ABHD6: variants seen among roughly 807,000 people sequenced by gnomAD.
The protein encoded by ABHD6 is abhydrolase domain containing 6, acylglycerol lipase, also known as monoacylglycerol lipase ABHD6.
Under a neutral mutation model 38.8 loss-of-function variants are expected in ABHD6, and 33 were observed. That is an observed-to-expected ratio of 0.85 (90% CI 0.64 to 1.14). ABHD6 has a LOEUF of 1.14. ABHD6 is among the 50% of genes most tolerant of loss of function. ABHD6 has a pLI of 0.00. For missense variants in ABHD6, 380 were observed against 422.6 expected (o/e 0.90, Z 0.88); for synonymous variants, 147 against 161.6 (o/e 0.91, Z 0.69).
chr3:58,285,041 A>G lies in ABHD6; in HGVS notation c.682-44A>G, dbSNP rs1402273636. On this transcript the variant is annotated intron_variant, in intron 7 of 9. Coordinates refer to ENST00000478253, the MANE Select transcript of ABHD6 (RefSeq NM_001320126.2). This position sits in a 1 kb window ranked among gnomAD's most constrained non-coding sequence, Gnocchi z 4.9. ...CCAGAGCTGTGAGAGGCCTGAGGAAATGAATCTTCTCTTGCTCTCTAACTT... is the reference window on the plus strand; with the variant it reads ...CCAGAGCTGTGAGAGGCCTGAGGAAGTGAATCTTCTCTTGCTCTCTAACTT... 4 of 1,588,006 alleles carry G rather than the reference A, an allele frequency of 2.5e-6. No homozygotes were observed. The highest frequency in any genetic ancestry group is 1.7e-5 in the Admixed American group (1 of 59,966).
intron 2 of ABHD6, among the ~76,000 whole-genome samples, chr3:58,254,375 C>T (rs2097431835): frequency 1.3e-5 from 2 of 152,200 alleles, no homozygotes; most frequent in Admixed American, 1.3e-4. Context: ...CGTTACATGT[C>T]TTCAATGGCT....
chr3:58,256,712 C>T lies in ABHD6; in HGVS notation c.119+7C>T. 1 of 1,584,788 alleles carries T rather than the reference C, an allele frequency of 6.3e-7. No individual in the cohort carries two copies. The highest frequency in any genetic ancestry group is 8.6e-7 in the Non-Finnish European group (1 of 1,156,742). On this transcript the variant is annotated splice_region_variant and intron_variant, in intron 3 of 9. Coordinates refer to ENST00000478253, the MANE Select transcript of ABHD6 (RefSeq NM_001320126.2). The surrounding 1 kb of genome is among the most constrained non-coding windows in gnomAD (Gnocchi z 4.3). ...TGATAAGAATCTATTATTGGTAAGC[C>T]AGTTTTATCATTGATGTTTTCAAGA...
At chr3:58,286,459 A>AT (rs2097457067) in intron 9 of ABHD6, among the ~76,000 whole-genome samples, 1 of 151,978 alleles carries the variant, frequency 6.6e-6, no homozygotes, top group Non-Finnish European at 1.5e-5. Flanking sequence ...CTTGGCCTAA[A>AT]TTTTTTAAGC....
chr3:58,279,177 A>T (rs567458270), intron 7 of ABHD6, among the ~76,000 whole-genome samples: 2 of 152,322 alleles, frequency 1.3e-5, no homozygotes, highest in South Asian at 4.1e-4. Context: ...TGTCTCATTG[A>T]TCTGTCTAGT....
chr3:58,288,778 C>T (rs184304651), intron 9 of ABHD6, among the ~76,000 whole-genome samples: 8 of 152,222 alleles, frequency 5.3e-5, no homozygotes, highest in East Asian at 1.9e-4. Flanking sequence ...ATAACAGGCC[C>T]GAGACAAGGG....
intron 2 of ABHD6, among the ~76,000 whole-genome samples, chr3:58,252,531 C>A (rs1242036543): frequency 6.6e-6 from 1 of 152,042 alleles, no homozygotes; most frequent in Non-Finnish European, 1.5e-5. Flanking sequence ...AACACCACCA[C>A]ACTGAGAGTT....
In ABHD6 at chr3:58,289,841, C is replaced by T. The variant is rs1229646372; in HGVS notation, c.838-3748C>T. ...GCAGAGGCGCCCCTCACCACCCGGACAGGGCGGCTGGCCGGGTAGGGGGCT... is the reference window on the plus strand; with the variant it reads ...GCAGAGGCGCCCCTCACCACCCGGATAGGGCGGCTGGCCGGGTAGGGGGCT... On this transcript the variant is annotated intron_variant, in intron 9 of 9. Coordinates refer to ENST00000478253, the MANE Select transcript of ABHD6 (RefSeq NM_001320126.2). Among the ~76,000 whole-genome samples the T allele has an allele frequency of 5.5e-5, 8 of 145,772 alleles. No individual in the cohort carries two copies. In the South Asian group the frequency reaches 6.5e-4, roughly 12 times the overall value.
In ABHD6 at chr3:58,257,228, C is replaced by T. The variant is rs2097434026; in HGVS notation, c.119+523C>T. ...GGCCCTTTTAGGTTTCTGATAGCAT[C>T]TTTCTCCACCCACATTCCCAAAGTC... On this transcript the variant is annotated intron_variant, in intron 3 of 9. Transcript: ENST00000478253. This position sits in a 1 kb window ranked among gnomAD's most constrained non-coding sequence, Gnocchi z 4.8. Among the ~76,000 whole-genome samples, 1 of 152,000 alleles carries T rather than the reference C, an allele frequency of 6.6e-6. No individual in the cohort carries two copies. The highest frequency in any genetic ancestry group is 6.6e-5 in the Admixed American group (1 of 15,260).
intron 1 of ABHD6, among the ~76,000 whole-genome samples, chr3:58,246,408 C>T (rs367719228): frequency 6.6e-6 from 1 of 152,236 alleles, no homozygotes; most frequent in Non-Finnish European, 1.5e-5. Flanking sequence ...ACACAACCCC[C>T]CTGCCTTCCA....
rs539127771 is a variant in ABHD6, at chr3:58,266,861, A to G, written c.120-328A>G. 7.2e-4 allele frequency among the ~76,000 whole-genome samples: 109 copies of G among 152,374 alleles called. No homozygotes were observed. Among genetic ancestry groups the G allele is most frequent in the African/African-American group, 2.4e-3 (99 of 41,592 alleles). On this transcript the variant is annotated intron_variant, in intron 3 of 9. Coordinates refer to ENST00000478253, the MANE Select transcript of ABHD6 (RefSeq NM_001320126.2). The surrounding 1 kb of genome is among the most constrained non-coding windows in gnomAD (Gnocchi z 4.0). Reference sequence around the variant, plus strand: ...GCAGATGGTTCTCAAGAAATAAGTTATCACTCTCAAAGTCTCTAGAAAGAC... The same window carrying G: ...GCAGATGGTTCTCAAGAAATAAGTTGTCACTCTCAAAGTCTCTAGAAAGAC...
In ABHD6 at chr3:58,293,534, A is replaced by C; in HGVS notation, c.838-55A>C. ...GGTGGAAGTTCTGTCCACAGAGTGC[A>C]CACGTGGGTGTCTGAATCTTTGTGT... On this transcript the variant is annotated intron_variant, in intron 9 of 9. Coordinates refer to ENST00000478253, the MANE Select transcript of ABHD6 (RefSeq NM_001320126.2). The surrounding 1 kb of genome is among the most constrained non-coding windows in gnomAD (Gnocchi z 4.4). 1 of 1,588,332 alleles carries C rather than the reference A, an allele frequency of 6.3e-7. No homozygotes were observed. The highest frequency in any genetic ancestry group is 8.6e-7 in the Non-Finnish European group (1 of 1,163,844).
At chr3:58,270,076 C>T (rs1402419640) in intron 5 of ABHD6, among the ~76,000 whole-genome samples, 3 of 152,122 alleles carry the variant, frequency 2.0e-5, no homozygotes, top group African/African-American at 4.8e-5. Context: ...GTTTCCTGTA[C>T]ATAATAGATA....
intron 1 of ABHD6, among the ~76,000 whole-genome samples, chr3:58,241,410 C>G (rs1209022440): frequency 6.6e-6 from 1 of 152,174 alleles, no homozygotes; most frequent in African/African-American, 2.4e-5. Context: ...GTGCGGCTCT[C>G]TGGTGCTGTA....
At chr3:58,260,877 G>A (rs891720158) in intron 3 of ABHD6, among the ~76,000 whole-genome samples, 2 of 152,200 alleles carry the variant, frequency 1.3e-5, no homozygotes, top group African/African-American at 4.8e-5. Flanking sequence ...ACAAGAACAG[G>A]TGTCCCCAGT....
chr3:58,238,119 A>G lies in ABHD6; in HGVS notation c.-91+203A>G, dbSNP rs1371018358. ...TGCCTGGATAGGTTTGAGATGCCCG[A>G]AACCCGGCGCCCCATTTCCTGGGTC... On this transcript the variant is annotated intron_variant, in intron 1 of 9. Coordinates refer to ENST00000478253, the MANE Select transcript of ABHD6 (RefSeq NM_001320126.2). The surrounding 1 kb of genome is among the most constrained non-coding windows in gnomAD (Gnocchi z 6.9). 1 of 152,274 alleles carries G rather than the reference A, an allele frequency of 6.6e-6. No individual in the cohort carries two copies. Among genetic ancestry groups the G allele is most frequent in the Non-Finnish European group, 1.5e-5 (1 of 68,214 alleles). The allele number at this position is 152,274 out of a possible 1,614,324, so 9.4% of individuals were successfully genotyped here. A position where few individuals can be genotyped will look rare whatever the true frequency, so the allele number is the denominator to read the frequency against.
At chr3:58,243,578 A>G (rs969922888) in intron 1 of ABHD6, among the ~76,000 whole-genome samples, 21 of 152,020 alleles carry the variant, frequency 1.4e-4, no homozygotes, top group Non-Finnish European at 2.4e-4. Flanking sequence ...AAGCCAGTGC[A>G]GGTATAGTCA....
At chr3:58,245,199 C>T (rs1022682902) in intron 1 of ABHD6, among the ~76,000 whole-genome samples, 3 of 152,212 alleles carry the variant, frequency 2.0e-5, no homozygotes, top group African/African-American at 4.8e-5. Flanking sequence ...GAGTCTCGCT[C>T]TGTCACCCAG....
rs370359354 is a variant in ABHD6 at position 58,293,772 on chromosome 3, G to A, written c.*7G>A. ...CAACAAGAAGCTGGACTGAGGCCCC[G>A]ACTGCAGCCTGCATTCTGCACACAG... On this transcript the variant is annotated 3_prime_UTR_variant, in exon 10 of 10. Coordinates refer to ENST00000478253, the MANE Select transcript of ABHD6 (RefSeq NM_001320126.2). This position sits in a 1 kb window ranked among gnomAD's most constrained non-coding sequence, Gnocchi z 4.4. 126 of 1,612,964 alleles carry A rather than the reference G, an allele frequency of 7.8e-5. 1 individual carries two copies. The South Asian group carries it at 1.1e-3, about 14-fold the overall frequency.
chr3:58,290,457 G>GGCAGAGACGCTTCTCACCTC (rs2097461468), intron 9 of ABHD6, among the ~76,000 whole-genome samples: 1 of 111,884 alleles, frequency 8.9e-6, no homozygotes, highest in Non-Finnish European at 1.9e-5. Flanking sequence ...GGGGCGGCTG[G>GGCAGAGACGCTTCTCACCTC]CCGGGCGGGG....
Sources: gnomAD v4.1 joint callset for allele counts (sites outside exome capture counted in the v4.1 genomes callset) on GRCh38, gnomAD v4.1.1 for gene constraint, Gnocchi (gnomAD v3.1) non-coding constraint, MANE v1.5 for transcripts, NCBI Gene and HGNC (gene_info 2026-07-23, HGNC 2026-07-21) for gene names.